The following SPINK1 variants were observed in gnomAD, a reference collection of about 807,000 sequenced individuals.
SPINK1 encodes the protein serine protease inhibitor Kazal-type 1.
A neutral mutation model predicts 9.5 loss-of-function variants in SPINK1; 5 were observed. The observed-to-expected ratio is 0.52, with a 90% CI of 0.27 to 1.10. The LOEUF (loss-of-function observed/expected upper bound fraction) is 1.10. Among genes scored for constraint, SPINK1 ranks in the 50% least tolerant of loss-of-function variants. The pLI is 0.11. For missense variants in SPINK1, 88 were observed against 92.7 expected, an observed-to-expected ratio of 0.95 and a Z score of 0.21; for synonymous variants, 37 against 32.3, an observed-to-expected ratio of 1.14 and a Z score of -0.49.
chr5:147,832,629 C>G (rs966875466), upstream of SPINK1, among the ~76,000 whole-genome samples: 1 of 152,124 alleles, frequency 6.6e-6, no homozygotes, highest in Non-Finnish European at 1.5e-5. Context: ...CTGTACTTTC[C>G]CTGCAACTAT....
rs1478991337 is a variant in SPINK1, at chr5:147,828,137, G to A, written c.88-9C>T. 6.3e-7 allele frequency: 1 copy of A among 1,597,956 alleles called. No homozygotes were observed. The highest frequency in any genetic ancestry group is 1.3e-5 in the African/African-American group (1 of 74,534). ...TCATTGTAACATTTGGCCTAAAAAT[G>A]GAATTAAACAGAATCATTTCCCATT... On this transcript the variant is annotated splice_polypyrimidine_tract_variant and intron_variant, in intron 2 of 3. Transcript: ENST00000296695.
At chr5:147,838,013 T>G in the SPINK1 span, among the ~76,000 whole-genome samples, 1 of 152,088 alleles carries the variant, frequency 6.6e-6, no homozygotes, top group Non-Finnish European at 1.5e-5. Flanking sequence ...CATTAACTTT[T>G]CTTACAGGGA....
At chr5:147,825,530 C>T (rs1472613570) in intron 3 of SPINK1, among the ~76,000 whole-genome samples, 1 of 151,780 alleles carries the variant, frequency 6.6e-6, no homozygotes, top group African/African-American at 2.4e-5. Flanking sequence ...CAGCCTCCAC[C>T]TCCCGGGTTC....
chr5:147,832,736 C>A (rs1037082536), upstream of SPINK1, among the ~76,000 whole-genome samples: 1 of 152,096 alleles, frequency 6.6e-6, no homozygotes, highest in Non-Finnish European at 1.5e-5. Context: ...AATTAAGTCC[C>A]TTTTCTCTGA....
the SPINK1 span, among the ~76,000 whole-genome samples, chr5:147,837,128 T>A: frequency 1.3e-5 from 2 of 152,204 alleles, no homozygotes; most frequent in Admixed American, 1.3e-4. Context: ...GGTTTTAAAA[T>A]TCAAATTTTT....
At chr5:147,836,933 T>A in the SPINK1 span, among the ~76,000 whole-genome samples, 1 of 152,198 alleles carries the variant, frequency 6.6e-6, no homozygotes, top group Non-Finnish European at 1.5e-5. Context: ...GTTCTTTCCC[T>A]AAAATAAATT....
chr5:147,832,178 G>A (rs1479994307), upstream of SPINK1, among the ~76,000 whole-genome samples: 6 of 152,170 alleles, frequency 3.9e-5, 1 homozygote, highest in Admixed American at 3.3e-4. Context: ...GTTCCCTAAA[G>A]CGTGTATTCT....
chr5:147,824,750 G>C, intron 3 of SPINK1, 44 bp from the exon 4 acceptor site: 1 of 1,577,902 alleles, frequency 6.3e-7, no homozygotes. Context: ...AAACTTCACT[G>C]ATGAAAAAGT....
At chr5:147,831,459 T>A in intron 1 of SPINK1, 64 bp downstream of exon 1, 1 of 1,595,254 alleles carries the variant, frequency 6.3e-7, no homozygotes. Flanking sequence ...TAGAAGATAA[T>A]GTGCTTCACA....
rs763350070 is a variant in SPINK1 at position 147,824,613 on chromosome 5, G to T, written c.*48C>A. The T allele has an allele frequency of 1.3e-6, 2 of 1,577,884 alleles. No homozygotes were observed. Among genetic ancestry groups the T allele is most frequent in the Non-Finnish European group, 1.7e-6 (2 of 1,147,420 alleles). ...TCAGATACATTTATTCAACAATAAG[G>T]CCAGTCAGGCCTCGCGGTGACCTGA... On this transcript the variant is annotated 3_prime_UTR_variant, in exon 4 of 4. Coordinates refer to ENST00000296695, the MANE Select transcript of SPINK1 (RefSeq NM_001379610.1).
intron 1 of SPINK1, among the ~76,000 whole-genome samples, chr5:147,830,698 C>A (rs1756492905): frequency 6.6e-6 from 1 of 152,114 alleles, no homozygotes; most frequent in Non-Finnish European, 1.5e-5. Flanking sequence ...GCAAATAAAA[C>A]AAACAATATT....
the SPINK1 span, among the ~76,000 whole-genome samples, chr5:147,838,829 T>C: frequency 6.6e-6 from 1 of 152,088 alleles, no homozygotes; most frequent in African/African-American, 2.4e-5. Context: ...TCATCTTCCA[T>C]CACTCTAGGC....
At chr5:147,826,802 C>A (rs1042305952) in intron 3 of SPINK1, among the ~76,000 whole-genome samples, 3 of 152,104 alleles carry the variant, frequency 2.0e-5, no homozygotes, top group African/African-American at 7.2e-5. Flanking sequence ...ACAATACTTG[C>A]TAAACTCTGA....
chr5:147,838,975 C>T, the SPINK1 span, among the ~76,000 whole-genome samples: 3 of 152,158 alleles, frequency 2.0e-5, no homozygotes, highest in Non-Finnish European at 4.4e-5. Flanking sequence ...CCTGTCTCCT[C>T]TTTCCCTCAC....
In SPINK1 at chr5:147,829,580, A is replaced by T. The variant is rs769020205; in HGVS notation, c.87+19T>A. 2.5e-6 allele frequency: 4 copies of T among 1,610,896 alleles called. No homozygotes were observed. The South Asian group carries it at 3.3e-5, about 13-fold the overall frequency. On this transcript the variant is annotated intron_variant, in intron 2 of 3. Coordinates refer to ENST00000296695, the MANE Select transcript of SPINK1 (RefSeq NM_001379610.1). ...ACTGTTCCAGTCTGAGAAATAAGAAATTACAAATATCTCTTTACCTCTCTT... is the reference window on the plus strand; with the variant it reads ...ACTGTTCCAGTCTGAGAAATAAGAATTTACAAATATCTCTTTACCTCTCTT...
chr5:147,835,874 A>G (rs1756586639), upstream of SPINK1, among the ~76,000 whole-genome samples: 1 of 152,108 alleles, frequency 6.6e-6, no homozygotes, highest in Admixed American at 6.6e-5. Flanking sequence ...TTTATTTTTC[A>G]TTATTTAGGG....
In SPINK1 at chr5:147,827,947, A is replaced by T. The variant is rs1756438588; in HGVS notation, c.194+75T>A. ...AATAGTTTGCTTTTCTCGGGGTGAGATTCATATTATCAGTACACTTGAAGA... is the reference window on the plus strand; with the variant it reads ...AATAGTTTGCTTTTCTCGGGGTGAGTTTCATATTATCAGTACACTTGAAGA... On this transcript the variant is annotated intron_variant, in intron 3 of 3. Transcript: ENST00000296695. 3.5e-6 allele frequency: 4 copies of T among 1,140,128 alleles called. No homozygotes were observed. The South Asian group carries it at 5.4e-5, about 15-fold the overall frequency. The allele number at this position is 1,140,128 out of a possible 1,614,324, so 70.6% of individuals were successfully genotyped here.
upstream of SPINK1, among the ~76,000 whole-genome samples, chr5:147,835,212 T>C (rs1756577014): frequency 6.6e-6 from 1 of 152,140 alleles, no homozygotes; most frequent in African/African-American, 2.4e-5. Flanking sequence ...TTTTCTCAAC[T>C]ACAAAAATAC....
At chr5:147,837,303 T>C in the SPINK1 span, among the ~76,000 whole-genome samples, 2 of 152,134 alleles carry the variant, frequency 1.3e-5, no homozygotes, top group East Asian at 3.9e-4. Context: ...TCAAATGAGT[T>C]ACAAAATGAA....
Sources: gnomAD v4.1 joint callset for allele counts (sites outside exome capture counted in the v4.1 genomes callset) on GRCh38, gnomAD v4.1.1 for gene constraint, MANE v1.5 for transcripts, NCBI Gene and HGNC (gene_info 2026-07-23, HGNC 2026-07-21) for gene names.